The following SYNRG variants were observed in gnomAD, a reference collection of about 807,000 sequenced individuals.
The protein encoded by SYNRG is AP1 gamma subunit binding protein 1.
In SYNRG, 37 loss-of-function variants were observed where a neutral mutation model predicts 130.9. The observed-to-expected ratio is 0.28, with a 90% CI of 0.22 to 0.37. The LOEUF is 0.37. SYNRG is among the 10% of genes least tolerant of loss of function. The probability of loss-of-function intolerance (pLI) is 1.00; values close to 1 mark genes in which losing one functional copy is unlikely to be tolerated. For missense variants in SYNRG, 1,338 were observed against 1,588.9 expected (o/e 0.84, Z 2.68); for synonymous variants, 539 against 568.1 (o/e 0.95, Z 0.73).
rs187355983 is a variant in SYNRG, at chr17:37,538,424, C to T, written c.3421-4G>A. ...TATCATTTGCCTTCTTAATGACCTA[C>T]AAGAAATGAAATCACATCACCTTAC... On this transcript the variant is annotated splice_polypyrimidine_tract_variant and splice_region_variant and intron_variant, in intron 17 of 21. Coordinates refer to ENST00000612223, the MANE Select transcript of SYNRG (RefSeq NM_007247.6). 3.8e-6 allele frequency: 6 copies of T among 1,593,944 alleles called. No homozygotes were observed. Among genetic ancestry groups the T allele is most frequent in the South Asian group, 3.4e-5 (3 of 87,686 alleles).
rs1341072840 is a variant in SYNRG at position 37,553,529 on chromosome 17, C to T, written c.2194G>A (p.Val732Met). 1.9e-6 allele frequency: 3 copies of T among 1,614,136 alleles called. No homozygotes were observed. Among genetic ancestry groups the T allele is most frequent in the Non-Finnish European group, 2.5e-6 (3 of 1,180,046 alleles). Residue 732 changes from valine (V) to methionine (M), a missense_variant, in exon 14 of 22, where the codon GTG becomes ATG. Physicochemically the swap from Val to Met is conservative, Grantham distance 21. Coordinates refer to ENST00000612223, the MANE Select transcript of SYNRG (RefSeq NM_007247.6). ...VPLTSNVGSTVKGGQNSTAAS... is the reference protein window; with the variant it reads ...VPLTSNVGSTMKGGQNSTAAS... ...GCAGTCGAGTTTTGTCCACCCTTCA[C>T]TGTGCTGCCCACGTTGCTGGTTAGA...
chr17:37,600,267 C>T, intron 2 of SYNRG, 96 bp downstream of exon 2: 6 of 1,135,690 alleles, frequency 5.3e-6, no homozygotes, highest in Non-Finnish European at 7.3e-6. Context: ...CTCTATTCAG[C>T]AGCAACAGAA....
intron 13 of SYNRG, among the ~76,000 whole-genome samples, chr17:37,558,090 ATC>A (rs1481147147): frequency 6.6e-6 from 1 of 152,212 alleles, no homozygotes; most frequent in Non-Finnish European, 1.5e-5. Flanking sequence ...CCTCAGGTTT[ATC>A]TCTGTTACTC....
chr17:37,589,586 T>TA (rs2061975616), intron 3 of SYNRG, among the ~76,000 whole-genome samples: 1 of 151,198 alleles, frequency 6.6e-6, no homozygotes, highest in South Asian at 2.1e-4. Flanking sequence ...CCATCTCTAC[T>TA]AAAATACAAA....
At chr17:37,588,982 C>T (rs2061920874) in intron 3 of SYNRG, among the ~76,000 whole-genome samples, 1 of 152,160 alleles carries the variant, frequency 6.6e-6, no homozygotes, top group Non-Finnish European at 1.5e-5. Context: ...TAACTTTTAA[C>T]AGACTTTTGA....
In SYNRG at chr17:37,542,447, A is replaced by C; in HGVS notation, c.2727T>G (p.Ser909=). ...CACTTCCTGCTGAGAGGACAAATGG[A>C]GAGAGTTTTCTGCCCTGAGTTGCAT... ...RDDATQGRKL[S]PFVLSAGSGS... is the part of the protein sequence containing the mutation. The change falls in exon 15 of 22, where the codon TCT becomes TCG. Residue 909 remains serine (S), a synonymous_variant. Coordinates refer to ENST00000612223, the MANE Select transcript of SYNRG (RefSeq NM_007247.6). 1 of 1,614,164 alleles carries C rather than the reference A, an allele frequency of 6.2e-7. No individual in the cohort carries two copies. The highest frequency in any genetic ancestry group is 8.5e-7 in the Non-Finnish European group (1 of 1,180,036).
At chr17:37,552,796 G>A (rs1363563912) in intron 14 of SYNRG, among the ~76,000 whole-genome samples, 1 of 152,150 alleles carries the variant, frequency 6.6e-6, no homozygotes, top group Non-Finnish European at 1.5e-5. Flanking sequence ...CACTGCAAAG[G>A]TCTTTATCAA....
chr17:37,526,175 G>T (rs1443382469), intron 19 of SYNRG, among the ~76,000 whole-genome samples: 1 of 151,918 alleles, frequency 6.6e-6, no homozygotes, highest in Non-Finnish European at 1.5e-5. Context: ...AAGCCTTTAA[G>T]ACCAATGTGC....
chr17:37,601,457 T>C (rs1464291646), intron 1 of SYNRG, among the ~76,000 whole-genome samples: 1 of 152,212 alleles, frequency 6.6e-6, no homozygotes, highest in Non-Finnish European at 1.5e-5. Flanking sequence ...ATACATAACA[T>C]AAAATTCTAT....
chr17:37,579,289 G>A, intron 6 of SYNRG: 6 of 1,303,850 alleles, frequency 4.6e-6, no homozygotes, highest in Non-Finnish European at 6.1e-6. Flanking sequence ...TGGAGGGGTG[G>A]AAAGACTGAA....
At chr17:37,520,444 G>C (rs942635411) in intron 20 of SYNRG, 94 bp downstream of exon 20, 11 of 1,287,674 alleles carry the variant, frequency 8.5e-6, no homozygotes, top group Admixed American at 7.2e-5. Flanking sequence ...CCCACCTCTG[G>C]TCACAAACTC....
At position 37,540,520 on chromosome 17, in the gene SYNRG, G is replaced by C. The variant is rs1206004399; in HGVS notation, c.3226C>G (p.Leu1076Val). 5 of 1,613,842 alleles carry C rather than the reference G, an allele frequency of 3.1e-6. No individual in the cohort carries two copies. The African/African-American group carries it at 5.3e-5, about 17-fold the overall frequency. The change falls in exon 16 of 22, where the codon CTT becomes GTT. Residue 1076 changes from leucine (L) to valine (V), a missense_variant. Transcript: ENST00000612223. ...GAACGGCTTATTTCTTTATCACCAA[G>C]GCTCAAACTCCTCTTGTGTGATCCT... ...VQGSHKRSLS[L>V]GDKEISRSSP...
chr17:37,529,656 C>T lies in SYNRG; in HGVS notation c.3666+6323G>A. On this transcript the variant is annotated intron_variant, in intron 19 of 21. Transcript: ENST00000612223. ...GGAAAAGGTACAAAAATGAAACTGG[C>T]TTGCACTTCACCTGGTGAGAGGAGC... The T allele has an allele frequency of 3.7e-6, 3 of 805,112 alleles. No individual in the cohort carries two copies. In the South Asian group the frequency reaches 5.6e-5, roughly 15 times the overall value. The allele number at this position is 805,112 out of a possible 1,614,324, so 49.9% of individuals were successfully genotyped here. A position where few individuals can be genotyped will look rare whatever the true frequency, so the allele number is the denominator to read the frequency against.
intron 1 of SYNRG, among the ~76,000 whole-genome samples, chr17:37,605,493 G>C (rs971727492): frequency 6.6e-6 from 1 of 152,106 alleles, no homozygotes; most frequent in African/African-American, 2.4e-5. Context: ...CAATCACATA[G>C]ACATGAATAC....
chr17:37,554,841 T>A (rs1350488523), intron 13 of SYNRG, among the ~76,000 whole-genome samples: 1 of 152,122 alleles, frequency 6.6e-6, no homozygotes, highest in East Asian at 1.9e-4. Context: ...TCAAAAGGAT[T>A]TGAATAAATA....
rs779077583 is a variant in SYNRG, at chr17:37,576,440, T to C, written c.824-22A>G. 7.5e-6 allele frequency: 12 copies of C among 1,608,472 alleles called. No homozygotes were observed. The Admixed American group carries it at 1.3e-4, about 18-fold the overall frequency. On this transcript the variant is annotated intron_variant, in intron 7 of 21. Coordinates refer to ENST00000612223, the MANE Select transcript of SYNRG (RefSeq NM_007247.6). ...ACACCTAGAAGGTAAGAAACATTAA[T>C]GTATATAGTGGTCCATGGAGAAGAT...
intron 11 of SYNRG, chr17:37,567,823 C>CA (rs2060109191): frequency 6.6e-6 from 1 of 152,150 alleles, no homozygotes; most frequent in Admixed American, 6.5e-5. Flanking sequence ...CTGACAATAA[C>CA]AAATTCGAAA....
At chr17:37,594,775 T>A (rs1016467557) in intron 3 of SYNRG, among the ~76,000 whole-genome samples, 2 of 152,038 alleles carry the variant, frequency 1.3e-5, no homozygotes, top group Non-Finnish European at 2.9e-5. Flanking sequence ...CTACCTTTAT[T>A]CTAAGAGAAC....
rs369321333 is a variant in SYNRG, at chr17:37,519,074, G to A, written c.3814-3C>T. ...CTGTCTGTTTCTGAGTTGAATGCCT[G>A]CCAGAAATAAACAGAGATGTGGGGC... On this transcript the variant is annotated splice_polypyrimidine_tract_variant and splice_region_variant and intron_variant, in intron 21 of 21. Transcript: ENST00000612223. 3.7e-6 allele frequency: 6 copies of A among 1,612,624 alleles called. No individual in the cohort carries two copies. The highest frequency in any genetic ancestry group is 5.1e-6 in the Non-Finnish European group (6 of 1,179,032).
Sources: gnomAD v4.1 joint callset for allele counts (sites outside exome capture counted in the v4.1 genomes callset) on GRCh38, gnomAD v4.1.1 for gene constraint, MANE v1.5 for transcripts, NCBI Gene and HGNC (gene_info 2026-07-23, HGNC 2026-07-21) for gene names.